The following CR1L variants were observed in gnomAD, a reference collection of about 807,000 sequenced individuals.
CR1L encodes complement C3b/C4b receptor 1 like.
In CR1L, 59 loss-of-function variants were observed where a neutral mutation model predicts 62.3. The observed-to-expected ratio is 0.95, with a 90% CI of 0.77 to 1.18. The LOEUF (loss-of-function observed/expected upper bound fraction) is 1.18, where lower values mean the gene tolerates loss of function less well. Ranked by LOEUF, CR1L falls within the 50% of genes most tolerant of loss-of-function variation. The pLI, the probability that CR1L is intolerant of heterozygous loss-of-function variation, is 0.00. For synonymous variants in CR1L, 279 were observed against 248.7 expected, an observed-to-expected ratio of 1.12 and a Z score of -1.15; for missense variants, 700 against 702.8, an observed-to-expected ratio of 1.00 and a Z score of 0.04.
chr1:207,689,016 T>C (rs185364059), intron 4 of CR1L, among the ~76,000 whole-genome samples: 1 of 152,294 alleles, frequency 6.6e-6, no homozygotes, highest in East Asian at 1.9e-4. Context: ...TTATTTCATC[T>C]GCTTTATTGC....
In CR1L at chr1:207,694,463, A is replaced by G. The variant is rs779298871; in HGVS notation, c.574A>G (p.Arg192Gly). Residue 192 changes from arginine to glycine, a missense_variant, in exon 5 of 12, where the codon AGA becomes GGA. Arg to Gly is a moderately radical substitution (Grantham distance 125). Transcript: ENST00000508064. The part of the protein sequence containing the change: ...VVTYHCNLGS[R>G]GKKVFELVGE... ...GACCTACCACTGCAATCTTGGAAGC[A>G]GAGGGAAAAAGGTGTTTGAGCTTGT... is the stretch of plus-strand genomic sequence containing the variant. The G allele has an allele frequency of 3.1e-6, 5 of 1,613,942 alleles. No individual in the cohort carries two copies. The highest frequency in any genetic ancestry group is 1.6e-4 in the Middle Eastern group (1 of 6,062).
intron 1 of CR1L, among the ~76,000 whole-genome samples, chr1:207,646,005 C>T (rs930061298): frequency 3.3e-5 from 5 of 152,110 alleles, no homozygotes; most frequent in African/African-American, 7.2e-5. Context: ...AGAGCAGGCT[C>T]TCAGTGCCTG....
chr1:207,675,909 G>A (rs1242040093), intron 1 of CR1L, among the ~76,000 whole-genome samples: 1 of 152,180 alleles, frequency 6.6e-6, no homozygotes, highest in African/African-American at 2.4e-5. Flanking sequence ...TATAGCTTTA[G>A]TTGTTGAGCT....
rs1424543519 is a variant in CR1L at position 207,679,294 on chromosome 1, C to T, written c.377+997C>T. Among the ~76,000 whole-genome samples the T allele has an allele frequency of 2.0e-5, 3 of 151,694 alleles. No individual in the cohort carries two copies. The East Asian group carries it at 5.8e-4, about 29-fold the overall frequency. On this transcript the variant is annotated intron_variant, in intron 3 of 11. Transcript: ENST00000508064. The stretch of plus-strand genomic sequence containing the variant: ...TGCTGGGATTACAGGCATGAGCCAC[C>T]GCACCCAGCCCAAAATTCTCTCTTT...
At chr1:207,657,430 T>A (rs1299965234) in intron 1 of CR1L, 2 of 580,348 alleles carry the variant, frequency 3.4e-6, no homozygotes, top group African/African-American at 3.7e-5. Flanking sequence ...TCCTGTGTAA[T>A]TGGATCTAAT....
At position 207,665,355 on chromosome 1, in the gene CR1L, T is replaced by G. The variant is rs563592556; in HGVS notation, c.98-12034T>G. The stretch of plus-strand genomic sequence containing the variant: ...AGGCGTGAGCTGTAGTGACCATTCT[T>G]GTACATGCATCCTTACATACTTGTG... On this transcript the variant is annotated intron_variant, in intron 1 of 11. Transcript: ENST00000508064. Among the ~76,000 whole-genome samples the G allele has an allele frequency of 2.7e-5, 4 of 150,448 alleles. 1 individual carries two copies. The South Asian group carries it at 8.5e-4, about 32-fold the overall frequency.
chr1:207,709,592 T>G (rs867826514), intron 10 of CR1L, among the ~76,000 whole-genome samples: 3 of 152,126 alleles, frequency 2.0e-5, no homozygotes, highest in Non-Finnish European at 4.4e-5. Context: ...TTCCAGTACA[T>G]TGGGAGGCCC....
At chr1:207,645,825 G>GCTGGGCTGGC (rs1354664775) in intron 1 of CR1L, among the ~76,000 whole-genome samples, 11 of 152,148 alleles carry the variant, frequency 7.2e-5, no homozygotes, top group African/African-American at 2.2e-4. Context: ...TGCCCCATGG[G>GCTGGGCTGGC]CTGGGCTGGC....
intron 10 of CR1L, among the ~76,000 whole-genome samples, chr1:207,713,374 T>C (rs1664392760): frequency 6.6e-6 from 1 of 152,268 alleles, no homozygotes; most frequent in Admixed American, 6.5e-5. Context: ...AACTATGTTT[T>C]AACCCAATTA....
At chr1:207,670,061 A>T (rs879586111) in intron 1 of CR1L, among the ~76,000 whole-genome samples, 4 of 151,050 alleles carry the variant, frequency 2.6e-5, no homozygotes, top group Non-Finnish European at 5.9e-5. Context: ...TCAGTGGCAT[A>T]AAGCCTGTCG....
rs1421438875 is a variant in CR1L at position 207,710,761 on chromosome 1, C to T, written c.1414+2498C>T. The T allele has an allele frequency of 2.1e-5, 34 of 1,606,930 alleles. No individual in the cohort carries two copies. In the South Asian group the frequency reaches 3.2e-4, roughly 15 times the overall value. ...TGCCAGGCCCTGAACAAATGGGAGC[C>T]GGAGCTACCAAGCTGCTCCAGGGGT... On this transcript the variant is annotated intron_variant, in intron 10 of 11. Coordinates refer to ENST00000508064, the MANE Select transcript of CR1L (RefSeq NM_175710.2).
At chr1:207,682,860 A>T (rs909154836) in intron 3 of CR1L, among the ~76,000 whole-genome samples, 1 of 152,218 alleles carries the variant, frequency 6.6e-6, no homozygotes, top group African/African-American at 2.4e-5. Context: ...AGTTTGAGAC[A>T]TACTAATTGA....
chr1:207,708,039 G>C, intron 9 of CR1L, 139 bp from the exon 10 acceptor site: 1 of 1,005,894 alleles, frequency 9.9e-7, no homozygotes, highest in Non-Finnish European at 1.5e-6. Context: ...AAGTAGAAAA[G>C]CTGGGAACAA....
intron 10 of CR1L, among the ~76,000 whole-genome samples, chr1:207,715,820 C>A (rs1653985787): frequency 6.6e-6 from 1 of 152,192 alleles, no homozygotes; most frequent in South Asian, 2.1e-4. Context: ...CTTCAGCCTC[C>A]CAGTAGTTGG....
In CR1L at chr1:207,683,023, TTTCC is replaced by T. The variant is rs1165287608; in HGVS notation, c.378-832_378-829del. Among the ~76,000 whole-genome samples, 544 of 121,420 alleles carry T rather than the reference TTTCC, an allele frequency of 4.5e-3. 4 individuals carry two copies. The highest frequency in any genetic ancestry group is 0.013 in the African/African-American group (454 of 35,824). 79.7% of individuals were successfully genotyped at this position (121,420 alleles called of 152,430 possible). ...TTCTTTCTTTCTTTTTCTTTCTTTC[TTTCC>T]TTCCTTCCTTCCTTCCCTCCTTCCT... On this transcript the variant is annotated intron_variant, in intron 3 of 11. Coordinates refer to ENST00000508064, the MANE Select transcript of CR1L (RefSeq NM_175710.2).
At chr1:207,706,587 G>A (rs1664271434) in intron 9 of CR1L, among the ~76,000 whole-genome samples, 1 of 152,076 alleles carries the variant, frequency 6.6e-6, no homozygotes, top group African/African-American at 2.4e-5. Flanking sequence ...AATAAAATGT[G>A]AAAATGTAAT....
chr1:207,723,589 T>C lies in CR1L; in HGVS notation c.1643-29T>C, dbSNP rs1219979329. On this transcript the variant is annotated intron_variant, in intron 11 of 11. Coordinates refer to ENST00000508064, the MANE Select transcript of CR1L (RefSeq NM_175710.2). ...TCAATCATGTTGCATGCCAGAGTGA[T>C]GTTTTTGTGACTTTTGTCTTCCTTT... The C allele has an allele frequency of 1.9e-6, 3 of 1,543,760 alleles. No individual in the cohort carries two copies. The Admixed American group carries it at 5.5e-5, about 28-fold the overall frequency.
At chr1:207,720,862 A>G (rs953546743) in intron 11 of CR1L, among the ~76,000 whole-genome samples, 12 of 152,096 alleles carry the variant, frequency 7.9e-5, no homozygotes, top group African/African-American at 2.2e-4. Flanking sequence ...ACCCATTTCC[A>G]TTACCCAGTG....
intron 4 of CR1L, among the ~76,000 whole-genome samples, chr1:207,684,415 C>T (rs4097398): frequency 0.36 from 55,085 of 151,806 alleles, 10,089 homozygotes; most frequent in Non-Finnish European, 0.4. Context: ...TTTTAACCTA[C>T]TTCTTAGAAT....
Sources: allele counts gnomAD v4.1 joint callset (sites outside exome capture counted in the v4.1 genomes callset), GRCh38; gene constraint gnomAD v4.1.1; transcripts MANE v1.5; gene names NCBI Gene and HGNC (gene_info 2026-07-23, HGNC 2026-07-21).